The following SLC2A5 variants were observed in gnomAD, a reference collection of about 807,000 sequenced individuals.
SLC2A5 encodes the protein solute carrier family 2 member 5.
In SLC2A5, 56 loss-of-function variants were observed where a neutral mutation model predicts 50.3. That is an observed-to-expected ratio of 1.11 (90% CI 0.90 to 1.39). The LOEUF (loss-of-function observed/expected upper bound fraction) is 1.39. Ranked by LOEUF, SLC2A5 falls within the 40% of genes most tolerant of loss-of-function variation. The pLI is 0.00. For missense variants in SLC2A5, 566 were observed against 650.1 expected (o/e 0.87, Z 1.41); for synonymous variants, 269 against 281.9 (o/e 0.95, Z 0.46).
rs1641111534 is a variant in SLC2A5 at position 9,035,212 on chromosome 1, A to C, written c.*2374T>G. On this transcript the variant is annotated 3_prime_UTR_variant, in exon 12 of 12. Transcript: ENST00000377424. The stretch of plus-strand genomic sequence containing the variant: ...GCCAAGTAACTTTCCAAGTTGCACA[A>C]CTAATGTGGCAGGACCAAGGTTTGA... The C allele has an allele frequency of 1.3e-5, 2 of 152,254 alleles. No individual in the cohort carries two copies. Among genetic ancestry groups the C allele is most frequent in the Non-Finnish European group, 2.9e-5 (2 of 68,042 alleles). The allele number at this position is 152,254 out of a possible 1,614,324, so 9.4% of individuals were successfully genotyped here.
chr1:9,038,097 C>A, intron 10 of SLC2A5, 73 bp from the exon 11 acceptor site: 1 of 1,553,326 alleles, frequency 6.4e-7, no homozygotes, highest in South Asian at 1.2e-5. Context: ...CATGCAGACC[C>A]ACCAGGTAGC....
intron 1 of SLC2A5, among the ~76,000 whole-genome samples, chr1:9,062,877 AT>A (rs1229758786): frequency 1.3e-4 from 19 of 147,416 alleles, no homozygotes; most frequent in Non-Finnish European, 2.4e-4. Context: ...GTCTCAAAAA[AT>A]AAATAAATAA....
intron 2 of SLC2A5, among the ~76,000 whole-genome samples, chr1:9,082,389 G>A (rs1459519321): frequency 6.6e-6 from 1 of 152,276 alleles, no homozygotes; most frequent in African/African-American, 2.4e-5. Context: ...GGCAAATTGT[G>A]GCACATACAC....
intron 3 of SLC2A5, among the ~76,000 whole-genome samples, chr1:9,051,943 T>C (rs1641588045): frequency 6.6e-6 from 1 of 152,160 alleles, no homozygotes; most frequent in South Asian, 2.1e-4. Flanking sequence ...CAATGAAATA[T>C]TCAAGCCATG....
rs1260835073 is a variant in SLC2A5, at chr1:9,058,235, G to A, written c.49C>T (p.Leu17Phe). 1 of 1,613,912 alleles carries A rather than the reference G, an allele frequency of 6.2e-7. No individual in the cohort carries two copies. The change falls in exon 2 of 12, where the codon CTT (leucine) becomes TTT (phenylalanine). Residue 17 changes from leucine to phenylalanine, a missense_variant. Physicochemically the swap from Leu to Phe is conservative, Grantham distance 22. Transcript: ENST00000377424. ...SMKEGRLTLV[L>F]ALATLIAAFG... Reference sequence around the variant, plus strand: ...GCAGCTATCAGGGTTGCCAGGGCAAGCACAAGCGTCAGCCTCTGCAGAGAT... The same window carrying A: ...GCAGCTATCAGGGTTGCCAGGGCAAACACAAGCGTCAGCCTCTGCAGAGAT...
intron 3 of SLC2A5, chr1:9,049,345 G>A (rs1641513183): frequency 2.7e-6 from 1 of 371,526 alleles, no homozygotes; most frequent in Non-Finnish European, 5.4e-6. Context: ...AATCCAAATA[G>A]TACTGTATTG....
intron 2 of SLC2A5, among the ~76,000 whole-genome samples, chr1:9,083,604 C>T (rs12729328): frequency 0.087 from 13,104 of 151,260 alleles, 688 homozygotes; most frequent in Middle Eastern, 0.2. Context: ...GGGCAGATCA[C>T]CCGAGGTCAG....
At chr1:9,080,870 C>G (rs368346717) in intron 2 of SLC2A5, among the ~76,000 whole-genome samples, 3 of 152,204 alleles carry the variant, frequency 2.0e-5, no homozygotes, top group South Asian at 2.1e-4. Flanking sequence ...GTGAGTCACT[C>G]CGCCTGGCCT....
At chr1:9,038,781 T>C in intron 9 of SLC2A5, 47 bp downstream of exon 9, 3 of 1,520,688 alleles carry the variant, frequency 2.0e-6, no homozygotes, top group Non-Finnish European at 2.7e-6. Context: ...GGGGCACTGG[T>C]CTTCCTGGTG....
chr1:9,062,262 C>T (rs1476515989), intron 1 of SLC2A5, among the ~76,000 whole-genome samples: 1 of 152,136 alleles, frequency 6.6e-6, no homozygotes, highest in African/African-American at 2.4e-5. Flanking sequence ...TAAACTGTAA[C>T]TGTAGTAAGT....
rs748808017 is a variant in SLC2A5 at position 9,038,820 on chromosome 1, G to C, written c.1098+8C>G. ...CTCCGGGCTCCTGGGACCCTGGCCT[G>C]TCCTCACCTGCAGTGCCAGAGCTGC... On this transcript the variant is annotated splice_region_variant and intron_variant, in intron 9 of 11. Transcript: ENST00000377424. 2.0e-5 allele frequency: 32 copies of C among 1,596,884 alleles called. No individual in the cohort carries two copies. The Middle Eastern group carries it at 6.6e-4, about 33-fold the overall frequency.
intron 4 of SLC2A5, among the ~76,000 whole-genome samples, chr1:9,046,723 T>C (rs1478513646): frequency 6.6e-6 from 1 of 151,706 alleles, no homozygotes; most frequent in Non-Finnish European, 1.5e-5. Flanking sequence ...AAGTGGGCAA[T>C]ACTTATCTTT....
chr1:9,059,422 C>T (rs567823279), intron 1 of SLC2A5, among the ~76,000 whole-genome samples: 18 of 151,956 alleles, frequency 1.2e-4, no homozygotes, highest in South Asian at 8.3e-4. Context: ...GGATTACAGG[C>T]GTGAGCCACC....
At chr1:9,093,045 A>C (rs1055438710), upstream of SLC2A5, among the ~76,000 whole-genome samples, 1 of 151,868 alleles carries the variant, frequency 6.6e-6, no homozygotes, top group African/African-American at 2.4e-5. Flanking sequence ...GTCAAGCCCC[A>C]CCTCTACAAA....
At chr1:9,077,789 AGAAG>A (rs138515110) in intron 2 of SLC2A5, among the ~76,000 whole-genome samples, 2,501 of 112,400 alleles carry the variant, frequency 0.022, 33 homozygotes, top group East Asian at 0.09. Context: ...AAGAAGGGGA[AGAAG>A]GAAGGAAGGA....
rs148217544 is a variant in SLC2A5, at chr1:9,038,104, T to C, written c.1175-80A>G. 628 of 1,534,930 alleles carry C rather than the reference T, an allele frequency of 4.1e-4. 2 individuals are homozygous for C. In the African/African-American group the frequency reaches 7.3e-3, roughly 18 times the overall value. The stretch of plus-strand genomic sequence containing the variant: ...GGCCTGGCCATGCAGACCCACCAGG[T>C]AGCTGGCCCCAGGACAGAGGCGTCT... On this transcript the variant is annotated intron_variant, in intron 10 of 11. Coordinates refer to ENST00000377424, the MANE Select transcript of SLC2A5 (RefSeq NM_003039.3).
upstream of SLC2A5, among the ~76,000 whole-genome samples, chr1:9,090,173 T>C (rs1642448150): frequency 6.6e-6 from 1 of 152,166 alleles, no homozygotes; most frequent in African/African-American, 2.4e-5. Flanking sequence ...GAATCATTCA[T>C]TTATTGGCCC....
rs1287912146 is a variant in SLC2A5 at position 9,040,993 on chromosome 1, A to AT, written c.571+791dup. On this transcript the variant is annotated intron_variant, in intron 5 of 11. Coordinates refer to ENST00000377424, the MANE Select transcript of SLC2A5 (RefSeq NM_003039.3). The surrounding 1 kb of genome is among the most constrained non-coding windows in gnomAD (Gnocchi z 4.3). ...CCTGTGATGCACCTGCAAAATGGGT[A>AT]TGATACTGGTACAGGCTTAATAGGG... The AT allele has an allele frequency of 6.2e-6, 1 of 162,000 alleles. No homozygotes were observed. The highest frequency in any genetic ancestry group is 2.4e-5 in the African/African-American group (1 of 41,890). 10.0% of individuals were successfully genotyped at this position (162,000 alleles called of 1,614,324 possible). A position where few individuals can be genotyped will look rare whatever the true frequency, so the allele number is the denominator to read the frequency against.
chr1:9,040,198 A>C lies in SLC2A5; in HGVS notation c.572-9T>G. 1 of 1,546,498 alleles carries C rather than the reference A, an allele frequency of 6.5e-7. No homozygotes were observed. Among genetic ancestry groups the C allele is most frequent in the Non-Finnish European group, 8.7e-7 (1 of 1,146,826 alleles). The stretch of plus-strand genomic sequence containing the variant: ...CAGCAGGATCGGCCAGCCTGGGAGG[A>C]AGGCAGCGAGCTGGCACCAGCGGCC... On this transcript the variant is annotated splice_polypyrimidine_tract_variant and intron_variant, in intron 5 of 11. Coordinates refer to ENST00000377424, the MANE Select transcript of SLC2A5 (RefSeq NM_003039.3). This position sits in a 1 kb window ranked among gnomAD's most constrained non-coding sequence, Gnocchi z 4.3.
Sources: allele counts gnomAD v4.1 joint callset (sites outside exome capture counted in the v4.1 genomes callset), GRCh38; gene constraint gnomAD v4.1.1; non-coding constraint Gnocchi (gnomAD v3.1); transcripts MANE v1.5; gene names NCBI Gene and HGNC (gene_info 2026-07-23, HGNC 2026-07-21).